The following LYRM4 variants were observed in gnomAD, a reference collection of about 807,000 sequenced individuals.
LYRM4 encodes the protein LYR motif containing 4, also known as LYR motif-containing protein 4.
Under a neutral mutation model 11.7 loss-of-function variants are expected in LYRM4, and 9 were observed. The observed-to-expected ratio is 0.77, with a 90% CI of 0.46 to 1.34. The LOEUF (loss-of-function observed/expected upper bound fraction) is 1.34, where lower values mean the gene tolerates loss of function less well. LYRM4 is among the 40% of genes most tolerant of loss of function. The probability of loss-of-function intolerance (pLI) is 0.00; values close to 1 mark genes in which losing one functional copy is unlikely to be tolerated. For synonymous variants in LYRM4, 42 were observed against 40.4 expected, an observed-to-expected ratio of 1.04 and a Z score of -0.15; for missense variants, 133 against 112.5, an observed-to-expected ratio of 1.18 and a Z score of -0.82.
At chr6:5,182,937 T>C (rs904300050) in intron 2 of LYRM4, among the ~76,000 whole-genome samples, 5 of 152,270 alleles carry the variant, frequency 3.3e-5, no homozygotes, top group African/African-American at 7.2e-5. Context: ...TCTGCATGCA[T>C]GATTTTTATA....
intron 2 of LYRM4, among the ~76,000 whole-genome samples, chr6:5,113,597 G>A (rs1348326199): frequency 6.6e-6 from 1 of 152,198 alleles, no homozygotes; most frequent in Non-Finnish European, 1.5e-5. Context: ...TTTTGTTGAA[G>A]AATGAAGGCC....
intron 1 of LYRM4, among the ~76,000 whole-genome samples, chr6:5,226,418 CTT>C (rs1390657396): frequency 2.0e-5 from 3 of 152,138 alleles, no homozygotes; most frequent in Non-Finnish European, 4.4e-5. Context: ...GAGTTTTGCT[CTT>C]GTTGCCCAGG....
intron 2 of LYRM4, among the ~76,000 whole-genome samples, chr6:5,153,137 G>T (rs1033455488): frequency 1.3e-4 from 20 of 152,058 alleles, no homozygotes; most frequent in African/African-American, 4.8e-4. Context: ...TCGTTCTGTC[G>T]TTCAGGCTGG....
At chr6:5,107,111 C>T (rs1049220942), downstream of LYRM4, 24 of 152,266 alleles carry the variant, frequency 1.6e-4, no homozygotes, top group African/African-American at 5.1e-4. Context: ...CCACAGAATT[C>T]GGATTTGTAT....
At chr6:5,085,391 A>ACTG in the LYRM4 span, 1 of 905,148 alleles carries the variant, frequency 1.1e-6, no homozygotes, top group South Asian at 1.7e-5. Context: ...GCGAGCCTGA[A>ACTG]CTGCAGCCCT....
chr6:5,054,600 C>G, the LYRM4 span, among the ~76,000 whole-genome samples: 1 of 152,124 alleles, frequency 6.6e-6, no homozygotes, highest in South Asian at 2.1e-4. Flanking sequence ...TAAGCGCCCC[C>G]AACCAACTGA....
intron 2 of LYRM4, among the ~76,000 whole-genome samples, chr6:5,119,489 A>C (rs995780020): frequency 1.3e-5 from 2 of 152,006 alleles, no homozygotes; most frequent in African/African-American, 4.8e-5. Flanking sequence ...TGAATGTCTC[A>C]TGTTCACTTA....
At chr6:5,053,002 A>G in the LYRM4 span, among the ~76,000 whole-genome samples, 1 of 152,218 alleles carries the variant, frequency 6.6e-6, no homozygotes, top group South Asian at 2.1e-4. Context: ...TTATGGAGCC[A>G]TGCAAACTAA....
chr6:5,152,231 G>A (rs1294533720), intron 2 of LYRM4, among the ~76,000 whole-genome samples: 1 of 152,158 alleles, frequency 6.6e-6, no homozygotes, highest in East Asian at 1.9e-4. Context: ...ACGCCAGTGA[G>A]AGCGGCAGAC....
At chr6:5,121,121 G>C (rs956678531) in intron 2 of LYRM4, among the ~76,000 whole-genome samples, 1 of 152,112 alleles carries the variant, frequency 6.6e-6, no homozygotes, top group Non-Finnish European at 1.5e-5. Context: ...CCCCTGCCCT[G>C]CAATGGAGTG....
intron 1 of LYRM4, among the ~76,000 whole-genome samples, chr6:5,233,582 A>G (rs1581567191): frequency 6.6e-6 from 1 of 152,294 alleles, no homozygotes; most frequent in African/African-American, 2.4e-5. Flanking sequence ...GATTCAAAGT[A>G]CCTTACTTGA....
At chr6:5,143,452 G>C (rs149184401) in intron 2 of LYRM4, among the ~76,000 whole-genome samples, 3 of 152,144 alleles carry the variant, frequency 2.0e-5, no homozygotes, top group African/African-American at 7.2e-5. Context: ...TACAGACATC[G>C]GGAGGTTGAC....
At chr6:5,219,755 A>G (rs1033228454) in intron 1 of LYRM4, among the ~76,000 whole-genome samples, 7 of 148,962 alleles carry the variant, frequency 4.7e-5, no homozygotes, top group Non-Finnish European at 8.9e-5. Context: ...GATTCTGGCT[A>G]TCAGCCTCTT....
the LYRM4 span, among the ~76,000 whole-genome samples, chr6:5,053,283 CT>C: frequency 6.6e-6 from 1 of 152,124 alleles, no homozygotes; most frequent in Non-Finnish European, 1.5e-5. Context: ...CAGATAAACC[CT>C]TTCCTCTACT....
chr6:5,183,129 G>A (rs555130800), intron 2 of LYRM4, among the ~76,000 whole-genome samples: 7 of 152,250 alleles, frequency 4.6e-5, no homozygotes, highest in East Asian at 3.9e-4. Flanking sequence ...TACAGCCAAC[G>A]TGTATTTATT....
chr6:5,173,757 T>C (rs1016637418), intron 2 of LYRM4, among the ~76,000 whole-genome samples: 2 of 152,256 alleles, frequency 1.3e-5, no homozygotes, highest in East Asian at 3.8e-4. Flanking sequence ...TTTAAATATG[T>C]ATGCAGAAGA....
chr6:5,045,823 A>G, the LYRM4 span, among the ~76,000 whole-genome samples: 1 of 152,256 alleles, frequency 6.6e-6, no homozygotes, highest in African/African-American at 2.4e-5. Flanking sequence ...TTTAACATGG[A>G]GAAATGAAAT....
At chr6:5,221,510 T>C (rs1490770610) in intron 1 of LYRM4, among the ~76,000 whole-genome samples, 1 of 151,900 alleles carries the variant, frequency 6.6e-6, no homozygotes, top group African/African-American at 2.4e-5. Context: ...CTGGTCAACA[T>C]GGTGAAACCC....
the LYRM4 span, among the ~76,000 whole-genome samples, chr6:5,065,343 TA>T: frequency 2.6e-5 from 4 of 152,224 alleles, no homozygotes; most frequent in East Asian, 7.7e-4. Flanking sequence ...TTTTAATTTC[TA>T]AAAAAGTTTA....
Sources: gnomAD v4.1 joint callset for allele counts (sites outside exome capture counted in the v4.1 genomes callset) on GRCh38, gnomAD v4.1.1 for gene constraint, MANE v1.5 for transcripts, NCBI Gene and HGNC (gene_info 2026-07-23, HGNC 2026-07-21) for gene names.